Variants in AZI2 observed in about 807,000 individuals in gnomAD.
The protein encoded by AZI2 is 5-azacytidine-induced protein 2.
A neutral mutation model predicts 45.8 loss-of-function variants in AZI2; 22 were observed. That is an observed-to-expected ratio of 0.48 (90% CI 0.34 to 0.69). The LOEUF (loss-of-function observed/expected upper bound fraction) is 0.69. AZI2 is among the 30% of genes least tolerant of loss of function. The pLI is 0.01. For synonymous variants in AZI2, 137 were observed against 156.7 expected (o/e 0.87, Z 0.94); for missense variants, 417 against 441.5 (o/e 0.94, Z 0.50).
At chr3:28,338,398 A>C (rs756726880) in intron 3 of AZI2, 95 bp downstream of exon 3, 7 of 1,308,956 alleles carry the variant, frequency 5.3e-6, no homozygotes, top group Non-Finnish European at 7.1e-6. Flanking sequence ...TTTAATTACT[A>C]AATGTAAATA....
At chr3:28,340,797 T>C (rs151302589) in intron 1 of AZI2, among the ~76,000 whole-genome samples, 175 bp from the exon 2 acceptor site, 2,230 of 152,214 alleles carry the variant, frequency 0.015, 54 homozygotes, top group African/African-American at 0.05. Flanking sequence ...TTGCTTAACC[T>C]CTATGCCTCA....
Position 28,321,182 on chromosome 3 carries a change from A to G in AZI2, c.*2860T>C, listed in dbSNP as rs1444264740. On this transcript the variant is annotated 3_prime_UTR_variant, in exon 8 of 8. Coordinates refer to ENST00000479665, the MANE Select transcript of AZI2 (RefSeq NM_022461.5). ...AAAAGCAAAGCAAATATAGAAATCT[A>G]GAGACCACACAGCATAGGGGCAAAC... 1 of 151,488 alleles carries G rather than the reference A, an allele frequency of 6.6e-6. No individual in the cohort carries two copies. Among genetic ancestry groups the G allele is most frequent in the Non-Finnish European group, 1.5e-5 (1 of 67,586 alleles). The allele number at this position is 151,488 out of a possible 1,614,324, so 9.4% of individuals were successfully genotyped here.
chr3:28,342,900 G>A (rs1478212491), intron 1 of AZI2, among the ~76,000 whole-genome samples: 1 of 151,976 alleles, frequency 6.6e-6, no homozygotes. Flanking sequence ...TTTATTCGAT[G>A]TGGATTTTTT....
Position 28,337,996 on chromosome 3 carries a change from TG to T in AZI2, c.379del (p.Gln127SerfsTer7). On this transcript the variant is annotated frameshift_variant, in exon 4 of 8. Coordinates refer to ENST00000479665, the MANE Select transcript of AZI2 (RefSeq NM_022461.5). LOFTEE classifies it high-confidence loss of function. ...GAGTTCTACTTCTTTAGATTGTAGC[TG>T]CTCATTCAATACTTTCAAAGATTCA... The part of the protein sequence containing the change: ...NSESLKVLNE[Q>X]LQSKEVELLQ... The T allele has an allele frequency of 6.3e-7, 1 of 1,599,570 alleles. No homozygotes were observed. Among genetic ancestry groups the T allele is most frequent in the South Asian group, 1.1e-5 (1 of 88,150 alleles).
intron 6 of AZI2, among the ~76,000 whole-genome samples, chr3:28,329,582 C>A (rs963366136): frequency 1.3e-5 from 2 of 151,256 alleles, no homozygotes; most frequent in Admixed American, 1.3e-4. Flanking sequence ...CTCTTTAATA[C>A]ACAAATAACT....
intron 4 of AZI2, 43 bp downstream of exon 4, chr3:28,337,894 A>C: frequency 8.0e-7 from 1 of 1,246,396 alleles, no homozygotes; most frequent in African/African-American, 1.5e-5. Flanking sequence ...ATGGAAAAAT[A>C]TGTTAATTCT....
intron 5 of AZI2, among the ~76,000 whole-genome samples, chr3:28,333,792 A>G (rs1296229087): frequency 2.6e-5 from 4 of 151,636 alleles, no homozygotes; most frequent in South Asian, 2.1e-4. Flanking sequence ...GGAGTTTCAT[A>G]TAAGGTGAGG....
chr3:28,340,098 T>G (rs1011629198), intron 2 of AZI2, among the ~76,000 whole-genome samples: 2 of 151,604 alleles, frequency 1.3e-5, no homozygotes, highest in African/African-American at 4.8e-5. Context: ...TTTTTTTTTT[T>G]GCCCAGATTT....
chr3:28,337,229 T>C (rs1221507768), intron 4 of AZI2: 1 of 186,454 alleles, frequency 5.4e-6, no homozygotes, highest in Non-Finnish European at 1.1e-5. Context: ...TCCAGTCCTC[T>C]CAGAGGTATG....
chr3:28,338,057 C>G (rs1470620897), intron 3 of AZI2, 21 bp from the exon 4 acceptor site: 1 of 1,372,616 alleles, frequency 7.3e-7, no homozygotes, highest in South Asian at 1.4e-5. Context: ...AGGGAAAATG[C>G]CAAATTACAT....
At chr3:28,346,644 C>T (rs1362628658) in intron 1 of AZI2, among the ~76,000 whole-genome samples, 2 of 152,096 alleles carry the variant, frequency 1.3e-5, no homozygotes, top group African/African-American at 2.4e-5. Context: ...ATTTTCACCA[C>T]CTTTCTACCT....
intron 5 of AZI2, among the ~76,000 whole-genome samples, chr3:28,336,260 T>C (rs1703784505): frequency 6.6e-6 from 1 of 152,106 alleles, no homozygotes; most frequent in African/African-American, 2.4e-5. Flanking sequence ...CCCCAAAGTA[T>C]TAGTCTTTTG....
At chr3:28,335,616 C>T (rs1382993495) in intron 5 of AZI2, among the ~76,000 whole-genome samples, 1 of 151,960 alleles carries the variant, frequency 6.6e-6, no homozygotes, top group African/African-American at 2.4e-5. Flanking sequence ...TGGCCAAGGA[C>T]TAGGCAGACT....
chr3:28,347,106 A>G (rs1471823991), intron 1 of AZI2, among the ~76,000 whole-genome samples: 1 of 152,118 alleles, frequency 6.6e-6, no homozygotes, highest in Non-Finnish European at 1.5e-5. Flanking sequence ...TATACATTCA[A>G]TGTTACTGGT....
chr3:28,333,791 T>C (rs1005583410), intron 5 of AZI2, among the ~76,000 whole-genome samples: 1 of 151,728 alleles, frequency 6.6e-6, no homozygotes, highest in East Asian at 1.9e-4. Flanking sequence ...GGGAGTTTCA[T>C]ATAAGGTGAG....
At chr3:28,327,855 T>TA (rs550756504) in intron 6 of AZI2, among the ~76,000 whole-genome samples, 5 of 149,658 alleles carry the variant, frequency 3.3e-5, no homozygotes, top group East Asian at 3.9e-4. Flanking sequence ...CTTATAACAT[T>TA]AAAAAAAAAT....
At chr3:28,334,134 A>G (rs1003523883) in intron 5 of AZI2, among the ~76,000 whole-genome samples, 3 of 151,784 alleles carry the variant, frequency 2.0e-5, no homozygotes, top group Admixed American at 6.6e-5. Context: ...CCCTCACTAA[A>G]TATTTAAAAA....
intron 3 of AZI2, 142 bp from the exon 4 acceptor site, chr3:28,338,178 T>C (rs1054629311): frequency 2.8e-5 from 14 of 506,878 alleles, no homozygotes; most frequent in Non-Finnish European, 4.3e-5. Context: ...CTCAGAAATG[T>C]CTTTTTTTCT....
At chr3:28,329,393 C>G (rs1703496041) in intron 6 of AZI2, among the ~76,000 whole-genome samples, 1 of 151,078 alleles carries the variant, frequency 6.6e-6, no homozygotes. Context: ...TACCAAGCAC[C>G]TACAATATGC....
Sources: allele counts gnomAD v4.1 joint callset (sites outside exome capture counted in the v4.1 genomes callset), GRCh38; gene constraint gnomAD v4.1.1; transcripts MANE v1.5; gene names NCBI Gene and HGNC (gene_info 2026-07-23, HGNC 2026-07-21).